MIR2052HG: variants seen among roughly 807,000 people sequenced by gnomAD.
MIR2052HG encodes the protein MIR2052 host gene.
At chr8:74,751,542 T>C (rs891299485) in intron 4 of MIR2052HG, among the ~76,000 whole-genome samples, 5 of 152,150 alleles carry the variant, frequency 3.3e-5, no homozygotes, top group Admixed American at 6.5e-5. Flanking sequence ...CAGAGGCTTA[T>C]AGGGATCTAA....
At chr8:74,628,489 C>A (rs956984947) in intron 2 of MIR2052HG, among the ~76,000 whole-genome samples, 1 of 152,126 alleles carries the variant, frequency 6.6e-6, no homozygotes, top group East Asian at 1.9e-4. Flanking sequence ...GGTGAGCTTC[C>A]TTTTTCAGCC....
At chr8:74,665,223 A>G (rs543550547) in intron 2 of MIR2052HG, among the ~76,000 whole-genome samples, 1 of 152,294 alleles carries the variant, frequency 6.6e-6, no homozygotes, top group Non-Finnish European at 1.5e-5. Flanking sequence ...CCACATCTTT[A>G]CACATGAAAT....
chr8:74,705,075 G>A (rs553137040), intron 4 of MIR2052HG, among the ~76,000 whole-genome samples: 192 of 144,542 alleles, frequency 1.3e-3, no homozygotes, highest in African/African-American at 5.4e-3. Flanking sequence ...AGTGGAAGAT[G>A]TCAGGATGTC....
intron 4 of MIR2052HG, among the ~76,000 whole-genome samples, chr8:74,734,968 C>T (rs1251996678): frequency 6.6e-6 from 1 of 152,180 alleles, no homozygotes; most frequent in African/African-American, 2.4e-5. Flanking sequence ...CAATGCTGAA[C>T]ATATCTGTCA....
chr8:74,613,648 G>A (rs189945004), intron 2 of MIR2052HG, among the ~76,000 whole-genome samples: 4 of 152,232 alleles, frequency 2.6e-5, no homozygotes, highest in East Asian at 1.9e-4. Flanking sequence ...ACCACGCCCG[G>A]CTAATTTTTG....
intron 2 of MIR2052HG, among the ~76,000 whole-genome samples, chr8:74,649,940 G>A (rs1310875777): frequency 6.6e-6 from 1 of 151,924 alleles, no homozygotes; most frequent in Admixed American, 6.6e-5. Flanking sequence ...TTCCTATAAA[G>A]TGTCCTTCTA....
intron 2 of MIR2052HG, among the ~76,000 whole-genome samples, chr8:74,649,776 C>A (rs1436153656): frequency 6.6e-6 from 1 of 151,954 alleles, no homozygotes; most frequent in Non-Finnish European, 1.5e-5. Context: ...GTTTGAACAT[C>A]ATGGAAAAGT....
chr8:74,751,229 C>T (rs889347053), intron 4 of MIR2052HG, among the ~76,000 whole-genome samples: 13 of 152,050 alleles, frequency 8.5e-5, no homozygotes, highest in African/African-American at 2.9e-4. Context: ...TATAAACAAA[C>T]GTCCTTTTCA....
chr8:74,727,573 A>G (rs1809649512), intron 4 of MIR2052HG, among the ~76,000 whole-genome samples: 1 of 152,314 alleles, frequency 6.6e-6, no homozygotes, highest in Admixed American at 6.5e-5. Flanking sequence ...CATTTTTTAA[A>G]TGCTGGTTTG....
At chr8:74,632,525 AC>A (rs1808525902) in intron 2 of MIR2052HG, 1 of 152,120 alleles carries the variant, frequency 6.6e-6, no homozygotes, top group Non-Finnish European at 1.5e-5. Context: ...AAAAAAACTT[AC>A]TTAGGGAGAA....
chr8:74,702,902 A>G (rs1809372216), intron 3 of MIR2052HG, among the ~76,000 whole-genome samples: 1 of 152,016 alleles, frequency 6.6e-6, no homozygotes, highest in Non-Finnish European at 1.5e-5. Context: ...TATCCTAACC[A>G]TGTTTGTTAA....
chr8:74,738,603 A>G (rs1370640669), intron 4 of MIR2052HG, among the ~76,000 whole-genome samples: 3 of 152,158 alleles, frequency 2.0e-5, no homozygotes, highest in South Asian at 4.1e-4. Context: ...TTATTTATCT[A>G]CTATGTTCTC....
chr8:74,712,553 G>A (rs1257138229), intron 4 of MIR2052HG, among the ~76,000 whole-genome samples: 1 of 152,156 alleles, frequency 6.6e-6, no homozygotes, highest in African/African-American at 2.4e-5. Flanking sequence ...GAAGTTAAAT[G>A]TTTTGTCCAA....
At chr8:74,724,468 C>T (rs1809613747) in intron 4 of MIR2052HG, among the ~76,000 whole-genome samples, 1 of 152,064 alleles carries the variant, frequency 6.6e-6, no homozygotes, top group Non-Finnish European at 1.5e-5. Context: ...AAATTAGGCA[C>T]CCATTAAATT....
At chr8:74,690,210 G>T (rs1040842687) in intron 2 of MIR2052HG, among the ~76,000 whole-genome samples, 1 of 152,150 alleles carries the variant, frequency 6.6e-6, no homozygotes, top group African/African-American at 2.4e-5. Context: ...CTTATTATAT[G>T]TTATGTTGAA....
rs1809540899 is a variant in MIR2052HG, at chr8:74,718,308, CA to C, written n.371+14627del. Among the ~76,000 whole-genome samples, 4 of 152,206 alleles carry C rather than the reference CA, an allele frequency of 2.6e-5. No homozygotes were observed. The South Asian group carries it at 8.3e-4, about 32-fold the overall frequency. ...CAAAAGAGCAGTTTAGACCAGATGA[CA>C]GGGGCCTTTTCTTTTATATTCTCAT... On this transcript the variant is annotated intron_variant and non_coding_transcript_variant, in intron 4 of 6. Coordinates refer to ENST00000523442, the Ensembl canonical transcript of MIR2052HG.
At chr8:74,756,247 G>T (rs1251681544) in intron 5 of MIR2052HG, among the ~76,000 whole-genome samples, 1 of 152,178 alleles carries the variant, frequency 6.6e-6, no homozygotes, top group Admixed American at 6.5e-5. Context: ...TCTGTCTCCA[G>T]CCCCACTCCA....
At chr8:74,721,681 T>C (rs561736236) in intron 4 of MIR2052HG, among the ~76,000 whole-genome samples, 1 of 152,206 alleles carries the variant, frequency 6.6e-6, no homozygotes, top group Non-Finnish European at 1.5e-5. Context: ...TGCCAGGCCT[T>C]TGAAGGGCGA....
intron 4 of MIR2052HG, among the ~76,000 whole-genome samples, chr8:74,725,019 C>G (rs543061656): frequency 1.3e-5 from 2 of 152,132 alleles, no homozygotes; most frequent in African/African-American, 4.8e-5. Flanking sequence ...AGTTCTTGTG[C>G]AGATAACTTT....
Sources: allele counts gnomAD v4.1 joint callset (sites outside exome capture counted in the v4.1 genomes callset), GRCh38; gene constraint gnomAD v4.1.1; transcripts MANE v1.5; gene names NCBI Gene and HGNC (gene_info 2026-07-23, HGNC 2026-07-21).